The following KITLG variants were observed in gnomAD, a reference collection of about 807,000 sequenced individuals.
KITLG encodes the protein c-Kit ligand.
In KITLG, 13 loss-of-function variants were observed where a neutral mutation model predicts 34.1. The ratio of observed to expected loss-of-function variants is 0.38; its 90% CI spans 0.25 to 0.61. KITLG has a LOEUF of 0.61. Ranked by LOEUF, KITLG falls within the 20% of genes least tolerant of loss-of-function variation. The pLI is 0.60. For synonymous variants in KITLG, 110 were observed against 104.0 expected (o/e 1.06, Z -0.35); for missense variants, 292 against 318.9 (o/e 0.92, Z 0.64).
intron 3 of KITLG, among the ~76,000 whole-genome samples, chr12:88,524,957 G>A (rs528386101): frequency 4.5e-4 from 68 of 152,066 alleles, no homozygotes; most frequent in Non-Finnish European, 6.8e-4. Context: ...GCTTACAAAC[G>A]GTGAACTTTC....
rs769753985 is a variant in KITLG, at chr12:88,505,195, A to G, written c.*1T>C. On this transcript the variant is annotated 3_prime_UTR_variant, in exon 9 of 10. Transcript: ENST00000644744. Reference sequence around the variant, plus strand: ...AGTAACAGTGTTGATACAAGCCACAATTACACTTCTTGAAACTCTCTCTCT... The same window carrying G: ...AGTAACAGTGTTGATACAAGCCACAGTTACACTTCTTGAAACTCTCTCTCT... 5.0e-6 allele frequency: 8 copies of G among 1,607,740 alleles called. No individual in the cohort carries two copies. In the African/African-American group the frequency reaches 6.7e-5, roughly 13 times the overall value.
intron 3 of KITLG, among the ~76,000 whole-genome samples, chr12:88,522,472 C>G (rs889948087): frequency 6.7e-6 from 1 of 149,806 alleles, no homozygotes. Flanking sequence ...TTCTCGCCCA[C>G]GCTGGAGTGC....
intron 9 of KITLG, among the ~76,000 whole-genome samples, chr12:88,501,936 C>A (rs1868876215): frequency 1.3e-5 from 2 of 152,050 alleles, no homozygotes; most frequent in South Asian, 4.1e-4. Flanking sequence ...AAATCCTGCC[C>A]CCTAAGAGTT....
intron 1 of KITLG, among the ~76,000 whole-genome samples, chr12:88,567,639 T>C (rs1326453095): frequency 6.6e-6 from 1 of 152,194 alleles, no homozygotes; most frequent in Non-Finnish European, 1.5e-5. Context: ...TATAAAGTTA[T>C]TAAATTCAAC....
chr12:88,552,176 A>AT (rs200666559), intron 1 of KITLG, among the ~76,000 whole-genome samples: 3,441 of 137,322 alleles, frequency 0.025, 113 homozygotes, highest in African/African-American at 0.07. Context: ...AATTATGATA[A>AT]TTTTTTTTTT....
At chr12:88,525,418 A>C (rs1460562309) in intron 3 of KITLG, among the ~76,000 whole-genome samples, 2 of 152,216 alleles carry the variant, frequency 1.3e-5, no homozygotes, top group African/African-American at 4.8e-5. Flanking sequence ...ATGTTTATTC[A>C]TAACTATTTT....
chr12:88,533,158 C>A (rs1486470366), intron 2 of KITLG, among the ~76,000 whole-genome samples: 2 of 152,180 alleles, frequency 1.3e-5, no homozygotes, highest in African/African-American at 4.8e-5. Context: ...TTACCTTCGG[C>A]TGAACATTTG....
chr12:88,498,626 G>C (rs1436471024), intron 9 of KITLG, among the ~76,000 whole-genome samples: 1 of 152,186 alleles, frequency 6.6e-6, no homozygotes, highest in Non-Finnish European at 1.5e-5. Context: ...TGTAATCCCA[G>C]CACTTTGAGA....
intron 9 of KITLG, among the ~76,000 whole-genome samples, chr12:88,498,602 T>C (rs1868731147): frequency 6.6e-6 from 1 of 152,154 alleles, no homozygotes; most frequent in Non-Finnish European, 1.5e-5. Context: ...AGGACAGGCA[T>C]GGTGGCTCAC....
intron 1 of KITLG, among the ~76,000 whole-genome samples, chr12:88,562,237 A>G (rs900525741): frequency 6.6e-6 from 1 of 152,242 alleles, no homozygotes; most frequent in African/African-American, 2.4e-5. Flanking sequence ...ATTCTCTTTT[A>G]TATGGTACAG....
At chr12:88,508,105 T>C (rs953676762) in intron 6 of KITLG, among the ~76,000 whole-genome samples, 1 of 151,702 alleles carries the variant, frequency 6.6e-6, no homozygotes, top group East Asian at 1.9e-4. Flanking sequence ...GAGAATCGCA[T>C]GAACCCGGGA....
intron 2 of KITLG, among the ~76,000 whole-genome samples, chr12:88,542,906 T>C (rs996572157): frequency 6.6e-6 from 1 of 152,130 alleles, no homozygotes; most frequent in Non-Finnish European, 1.5e-5. Context: ...TATAAGTCTA[T>C]ACAACACAGA....
At chr12:88,515,652 G>T in intron 5 of KITLG, 35 bp from the exon 6 acceptor site, 1 of 1,486,274 alleles carries the variant, frequency 6.7e-7, no homozygotes, top group Non-Finnish European at 9.4e-7. Context: ...AGTGTTATAT[G>T]GTGATTTGTA....
chr12:88,579,591 C>T (rs1481729496), intron 1 of KITLG, among the ~76,000 whole-genome samples: 1 of 152,188 alleles, frequency 6.6e-6, no homozygotes, highest in Non-Finnish European at 1.5e-5. Flanking sequence ...TTATAAAAAG[C>T]CTTTATCCCT....
intron 1 of KITLG, among the ~76,000 whole-genome samples, chr12:88,563,469 C>A (rs1336257370): frequency 6.6e-6 from 1 of 152,182 alleles, no homozygotes; most frequent in Non-Finnish European, 1.5e-5. Context: ...AAGTCGCATG[C>A]CAGACTACTC....
chr12:88,568,496 G>A (rs550181463), intron 1 of KITLG, among the ~76,000 whole-genome samples: 1 of 151,952 alleles, frequency 6.6e-6, no homozygotes, highest in East Asian at 1.9e-4. Flanking sequence ...TTCCAACTAT[G>A]TACTATTACC....
chr12:88,560,967 CAAAAAAAAAAA>C (rs34851499), intron 1 of KITLG, among the ~76,000 whole-genome samples: 5 of 58,084 alleles, frequency 8.6e-5, no homozygotes, highest in East Asian at 5.7e-4. Context: ...GACTCTGTCT[CAAAAAAAAAAA>C]AAAAAAAAAA....
At position 88,580,441 on chromosome 12, in the gene KITLG, T is replaced by A; in HGVS notation, c.-163A>T. On this transcript the variant is annotated 5_prime_UTR_variant, in exon 1 of 10. Transcript: ENST00000644744. Reference sequence around the variant, plus strand: ...CACTGTCCCTGCTTCCCGCAGCGCTTCTAGTCTCGGCGCGAGGCGGCGAGC... The same window carrying A: ...CACTGTCCCTGCTTCCCGCAGCGCTACTAGTCTCGGCGCGAGGCGGCGAGC... 1 of 864,106 alleles carries A rather than the reference T, an allele frequency of 1.2e-6. No homozygotes were observed. Among genetic ancestry groups the A allele is most frequent in the Non-Finnish European group, 1.8e-6 (1 of 545,436 alleles). 53.5% of individuals were successfully genotyped at this position (864,106 alleles called of 1,614,324 possible). A position where few individuals can be genotyped will look rare whatever the true frequency, so the allele number is the denominator to read the frequency against.
chr12:88,563,633 T>C (rs530763960), intron 1 of KITLG, among the ~76,000 whole-genome samples: 106 of 152,338 alleles, frequency 7.0e-4, no homozygotes, highest in African/African-American at 2.5e-3. Flanking sequence ...TCTAATACCA[T>C]TTTGATGTAG....
Sources: allele counts gnomAD v4.1 joint callset (sites outside exome capture counted in the v4.1 genomes callset), GRCh38; gene constraint gnomAD v4.1.1; transcripts MANE v1.5; gene names NCBI Gene and HGNC (gene_info 2026-07-23, HGNC 2026-07-21).